POLR3F: variants seen among roughly 807,000 people sequenced by gnomAD.
The protein encoded by POLR3F is RNA polymerase III subunit F.
POLR3F carries 31 observed loss-of-function variants against 43.6 expected under a neutral mutation model. The observed-to-expected ratio is 0.71, with a 90% confidence interval of 0.53 to 0.96. The LOEUF is 0.96. Ranked by LOEUF, POLR3F falls within the 40% of genes least tolerant of loss-of-function variation. The pLI is 0.00. For missense variants in POLR3F, 316 were observed against 391.7 expected (o/e 0.81, Z 1.63); for synonymous variants, 114 against 132.5 (o/e 0.86, Z 0.96).
chr20:18,475,477 C>T (rs1261699474), intron 5 of POLR3F, among the ~76,000 whole-genome samples: 2 of 152,210 alleles, frequency 1.3e-5, no homozygotes, highest in African/African-American at 4.8e-5. Flanking sequence ...TTTATCCCGA[C>T]ATATTAGCTT....
intron 8 of POLR3F, 131 bp from the exon 9 acceptor site, chr20:18,483,350 T>C: frequency 2.1e-6 from 1 of 484,104 alleles, no homozygotes; most frequent in South Asian, 3.4e-5. Flanking sequence ...CCGGCTATAA[T>C]ATGTTCTTAA....
intron 7 of POLR3F, among the ~76,000 whole-genome samples, chr20:18,481,192 C>T (rs937606586): frequency 6.6e-6 from 1 of 152,144 alleles, no homozygotes. Context: ...AATTACTCCA[C>T]CCCAGCATAA....
chr20:18,471,759 G>A (rs1489840794), intron 2 of POLR3F, among the ~76,000 whole-genome samples: 1 of 152,222 alleles, frequency 6.6e-6, no homozygotes, highest in African/African-American at 2.4e-5. Context: ...GAGGTAGGCG[G>A]ATCACTAGAG....
At chr20:18,479,507 A>G (rs971422312) in intron 5 of POLR3F, among the ~76,000 whole-genome samples, 1 of 152,222 alleles carries the variant, frequency 6.6e-6, no homozygotes, top group Non-Finnish European at 1.5e-5. Flanking sequence ...AAAGAAAAAA[A>G]AAAGTGCTAA....
At position 18,467,459 on chromosome 20, in the gene POLR3F, G is replaced by C. The variant is rs182853828; in HGVS notation, c.-48G>C. On this transcript the variant is annotated 5_prime_UTR_variant, in exon 1 of 9. Transcript: ENST00000377603. ...TCCCCGGGTTCCCCGGCTTGCTACC[G>C]GGCTGCTCCGTGCATCTTTCCCCCC... 2.1e-5 allele frequency: 34 copies of C among 1,608,878 alleles called. No individual in the cohort carries two copies. Among genetic ancestry groups the C allele is most frequent in the Non-Finnish European group, 2.8e-5 (33 of 1,175,358 alleles).
intron 7 of POLR3F, among the ~76,000 whole-genome samples, chr20:18,481,354 G>A (rs1009938542): frequency 6.6e-6 from 1 of 152,094 alleles, no homozygotes; most frequent in African/African-American, 2.4e-5. Context: ...CCATTCTCCT[G>A]CCTCAGCCTC....
In POLR3F at chr20:18,467,498, T is replaced by C; in HGVS notation, c.-9T>C. On this transcript the variant is annotated 5_prime_UTR_variant, in exon 1 of 9. Transcript: ENST00000377603. ...ATCTTTCCCCCCAGGCGTCAGGAAC[T>C]GCGCCCTCATGGCGGAGGTGAAGGT... The C allele has an allele frequency of 1.2e-6, 2 of 1,614,218 alleles. No individual in the cohort carries two copies. The highest frequency in any genetic ancestry group is 1.7e-6 in the Non-Finnish European group (2 of 1,180,018).
In POLR3F at chr20:18,467,489, G is replaced by A. The variant is rs371495557; in HGVS notation, c.-18G>A. ...GCTCCGTGCATCTTTCCCCCCAGGC[G>A]TCAGGAACTGCGCCCTCATGGCGGA... is the stretch of plus-strand genomic sequence containing the variant. On this transcript the variant is annotated 5_prime_UTR_variant, in exon 1 of 9. Coordinates refer to ENST00000377603, the MANE Select transcript of POLR3F (RefSeq NM_006466.4). 1 of 1,614,156 alleles carries A rather than the reference G, an allele frequency of 6.2e-7. No homozygotes were observed. The highest frequency in any genetic ancestry group is 1.7e-5 in the Admixed American group (1 of 60,030).
chr20:18,467,760 G>T, intron 1 of POLR3F, 192 bp downstream of exon 1: 1 of 1,221,832 alleles, frequency 8.2e-7, no homozygotes, highest in Non-Finnish European at 1.1e-6. Flanking sequence ...GTTCAAAATG[G>T]GTTTGACAGC....
chr20:18,483,057 T>G (rs2059818656), intron 8 of POLR3F, among the ~76,000 whole-genome samples: 1 of 152,144 alleles, frequency 6.6e-6, no homozygotes, highest in South Asian at 2.1e-4. Flanking sequence ...TATTATAGTA[T>G]GTTCTTCCCG....
Position 18,468,924 on chromosome 20 carries a change from A to G in POLR3F, c.63-20A>G. 1 of 1,130,898 alleles carries G rather than the reference A, an allele frequency of 8.8e-7. No individual in the cohort carries two copies. The allele number at this position is 1,130,898 out of a possible 1,614,324, so 70.1% of individuals were successfully genotyped here. A position where few individuals can be genotyped will look rare whatever the true frequency, so the allele number is the denominator to read the frequency against. The stretch of plus-strand genomic sequence containing the variant: ...GAAACAGGTAACCATGAAGGATAAC[A>G]TTAATACCTTTGTTTCTAGGATTAT... On this transcript the variant is annotated intron_variant, in intron 1 of 8. Coordinates refer to ENST00000377603, the MANE Select transcript of POLR3F (RefSeq NM_006466.4).
intron 2 of POLR3F, among the ~76,000 whole-genome samples, chr20:18,472,473 C>T (rs1249714839): frequency 6.6e-6 from 1 of 152,122 alleles, no homozygotes; most frequent in Non-Finnish European, 1.5e-5. Context: ...TGTGAGCCAC[C>T]ACGCCCAGCC....
chr20:18,483,808 C>G lies in POLR3F; in HGVS notation c.*250C>G, dbSNP rs1417197953. ...CTTCAATAAATAAAACACTTTGAAA[C>G]TCCGGAGGACCACATCTTTCAAGAC... On this transcript the variant is annotated 3_prime_UTR_variant, in exon 9 of 9. Transcript: ENST00000377603. 2.5e-6 allele frequency: 1 copy of G among 401,218 alleles called. No individual in the cohort carries two copies. Among genetic ancestry groups the G allele is most frequent in the African/African-American group, 2.1e-5 (1 of 48,536 alleles). The allele number at this position is 401,218 out of a possible 1,614,324, so 24.9% of individuals were successfully genotyped here.
intron 5 of POLR3F, among the ~76,000 whole-genome samples, chr20:18,475,429 C>CCCT (rs2059774890): frequency 2.0e-5 from 3 of 152,206 alleles, no homozygotes; most frequent in African/African-American, 7.2e-5. Flanking sequence ...GAACTGTGAA[C>CCCT]ATTTTTCCTA....
chr20:18,467,425 T>G lies in POLR3F; in HGVS notation c.-82T>G. The G allele has an allele frequency of 2.7e-6, 4 of 1,489,262 alleles. No individual in the cohort carries two copies. Among genetic ancestry groups the G allele is most frequent in the East Asian group, 4.5e-5 (2 of 44,264 alleles). 92.3% of individuals were successfully genotyped at this position (1,489,262 alleles called of 1,614,324 possible). On this transcript the variant is annotated 5_prime_UTR_variant, in exon 1 of 9. Coordinates refer to ENST00000377603, the MANE Select transcript of POLR3F (RefSeq NM_006466.4). ...CCTCGGCCTCAGCAGAGCGCTATCCTCCACTGGTTCCCCGGGTTCCCCGGC... is the reference window on the plus strand; with the variant it reads ...CCTCGGCCTCAGCAGAGCGCTATCCGCCACTGGTTCCCCGGGTTCCCCGGC...
intron 1 of POLR3F, among the ~76,000 whole-genome samples, chr20:18,468,090 G>A (rs1413184050): frequency 2.0e-5 from 3 of 152,052 alleles, no homozygotes; most frequent in African/African-American, 4.8e-5. Context: ...TTATTTGTTT[G>A]TTTGTGAGAC....
intron 5 of POLR3F, among the ~76,000 whole-genome samples, chr20:18,477,051 C>T (rs2059783997): frequency 7.3e-6 from 1 of 137,288 alleles, no homozygotes; most frequent in Non-Finnish European, 1.5e-5. Flanking sequence ...CCAGCCTGGG[C>T]AACAAAAGCG....
intron 4 of POLR3F, among the ~76,000 whole-genome samples, chr20:18,473,752 A>T (rs2059766079): frequency 2.6e-5 from 4 of 151,832 alleles, no homozygotes; most frequent in African/African-American, 9.7e-5. Context: ...TTTTTTTTTT[A>T]AATCTGTACC....
chr20:18,483,481 G>T lies in POLR3F; in HGVS notation c.874G>T (p.Val292Phe). 2.8e-6 allele frequency: 4 copies of T among 1,453,856 alleles called. No homozygotes were observed. Among genetic ancestry groups the T allele is most frequent in the Non-Finnish European group, 3.8e-6 (4 of 1,057,174 alleles). The allele number at this position is 1,453,856 out of a possible 1,614,324, so 90.1% of individuals were successfully genotyped here. The change falls in exon 9 of 9, where the codon GTT (valine) becomes TTT (phenylalanine). Residue 292 changes from valine to phenylalanine, a missense_variant and splice_region_variant. Val to Phe is a conservative substitution (Grantham distance 50). Transcript: ENST00000377603. ...LVRAPCGLCP[V>F]FDDCHEGGEI... is the part of the protein sequence containing the mutation. ...TATAATTTTTTTTTCTTTTTTAAAG[G>T]TTTTTGATGACTGCCACGAAGGTGG...
Sources: gnomAD v4.1 joint callset for allele counts (sites outside exome capture counted in the v4.1 genomes callset) on GRCh38, gnomAD v4.1.1 for gene constraint, MANE v1.5 for transcripts, NCBI Gene and HGNC (gene_info 2026-07-23, HGNC 2026-07-21) for gene names.